The following PNLDC1 variants were observed in gnomAD, a reference collection of about 807,000 sequenced individuals.
The protein encoded by PNLDC1 is poly(A)-specific ribonuclease PNLDC1.
A neutral mutation model predicts 82.0 loss-of-function variants in PNLDC1; 70 were observed. That is an observed-to-expected ratio of 0.85 (90% CI 0.70 to 1.04). The LOEUF is 1.04. Ranked by LOEUF, PNLDC1 falls within the 50% of genes least tolerant of loss-of-function variation. The pLI is 0.00. For missense variants in PNLDC1, 631 were observed against 661.1 expected, an observed-to-expected ratio of 0.95 and a Z score of 0.50; for synonymous variants, 280 against 249.3, an observed-to-expected ratio of 1.12 and a Z score of -1.16.
chr6:159,817,582 A>AGG (rs1781878586), intron 15 of PNLDC1, among the ~76,000 whole-genome samples: 1 of 152,240 alleles, frequency 6.6e-6, no homozygotes. Context: ...CACATAGGCT[A>AGG]GGGAGAGATT....
rs776386921 is a variant in PNLDC1, at chr6:159,814,115, G to A, written c.995+459G>A. 3.8e-4 allele frequency among the ~76,000 whole-genome samples: 57 copies of A among 151,872 alleles called. 1 individual carries two copies. Among genetic ancestry groups the A allele is most frequent in the Non-Finnish European group, 1.8e-4 (12 of 68,000 alleles). ...TCAACAAGTGTTCTCCCAACTTAAC[G>A]ACAAAGCCTCCTGAACTCTCTATGC... On this transcript the variant is annotated intron_variant, in intron 12 of 18. Coordinates refer to ENST00000392167, the MANE Select transcript of PNLDC1 (RefSeq NM_001271862.2).
intron 3 of PNLDC1, among the ~76,000 whole-genome samples, chr6:159,802,225 T>C (rs1781286645): frequency 6.6e-6 from 1 of 152,214 alleles, no homozygotes; most frequent in Admixed American, 6.5e-5. Flanking sequence ...TCCATTCCAG[T>C]AAAATGTTAT....
At position 159,809,040 on chromosome 6, in the gene PNLDC1, A is replaced by G; in HGVS notation, c.665A>G (p.Gln222Arg). 1 of 1,613,444 alleles carries G rather than the reference A, an allele frequency of 6.2e-7. No homozygotes were observed. The highest frequency in any genetic ancestry group is 8.5e-7 in the Non-Finnish European group (1 of 1,179,870). ...GTGGTAGTGAAGAAAGTGAGTAAAC[A>G]ACATCGTTGGTATCTTCAGAACACC... ...EGVVVKKVSK[Q>R]HRWYLQNTSC... The change falls in exon 9 of 19, where the codon CAA becomes CGA. Residue 222 changes from glutamine (Q) to arginine (R), a missense_variant. Physicochemically the swap from Gln to Arg is conservative, Grantham distance 43. Coordinates refer to ENST00000392167, the MANE Select transcript of PNLDC1 (RefSeq NM_001271862.2).
chr6:159,802,427 G>A (rs1423590588), intron 3 of PNLDC1, among the ~76,000 whole-genome samples: 1 of 152,094 alleles, frequency 6.6e-6, no homozygotes, highest in Admixed American at 6.5e-5. Flanking sequence ...TACTATGAAT[G>A]ATGCTGAACG....
At chr6:159,816,218 G>T (rs1398923056) in intron 13 of PNLDC1, among the ~76,000 whole-genome samples, 185 bp downstream of exon 13, 2 of 40,118 alleles carry the variant, frequency 5.0e-5, no homozygotes, top group African/African-American at 9.4e-5. Context: ...CAGCAGGGGA[G>T]GGGGAGGTTT....
At position 159,801,211 on chromosome 6, in the gene PNLDC1, G is replaced by C. The variant is rs531396929; in HGVS notation, c.208+25G>C. ...GGTGAGTTTAATATCAGCTGTTAGAGTTTTTCAAGAAGGTATTTTTATTGT... is the reference window on the plus strand; with the variant it reads ...GGTGAGTTTAATATCAGCTGTTAGACTTTTTCAAGAAGGTATTTTTATTGT... On this transcript the variant is annotated intron_variant, in intron 3 of 18. Coordinates refer to ENST00000392167, the MANE Select transcript of PNLDC1 (RefSeq NM_001271862.2). 26 of 1,598,596 alleles carry C rather than the reference G, an allele frequency of 1.6e-5. No individual in the cohort carries two copies. In the South Asian group the frequency reaches 2.6e-4, roughly 16 times the overall value.
At chr6:159,807,170 G>T (rs1176792121) in intron 7 of PNLDC1, among the ~76,000 whole-genome samples, 1 of 152,132 alleles carries the variant, frequency 6.6e-6, no homozygotes, top group African/African-American at 2.4e-5. Context: ...TGGGATAACA[G>T]GCATGAGCCA....
intron 18 of PNLDC1, 86 bp from the exon 19 acceptor site, chr6:159,820,368 G>A: frequency 1.6e-6 from 2 of 1,270,654 alleles, no homozygotes; most frequent in Admixed American, 1.7e-5. Flanking sequence ...AGTGCACGGG[G>A]CTGGGAAGGA....
chr6:159,810,128 C>A (rs147025819), intron 10 of PNLDC1, 33 bp downstream of exon 10: 1 of 1,582,950 alleles, frequency 6.3e-7, no homozygotes, highest in African/African-American at 1.3e-5. Flanking sequence ...TCTTCCTTCA[C>A]GCTAGTTTGC....
In PNLDC1 at chr6:159,817,123, G is replaced by T; in HGVS notation, c.1129G>T (p.Ala377Ser). ...TTCCTTCCTAGTTCTTTTGAAAGTG[G>T]CACACTTGCTTCTACAGAAGATATA... ...FLCGSVLLKVAHLLLQKIYHI... is the reference protein window; with the variant it reads ...FLCGSVLLKVSHLLLQKIYHI... Residue 377 changes from alanine to serine, a missense_variant, in exon 15 of 19, where the codon GCA becomes TCA. Physicochemically the swap from Ala to Ser is moderately conservative, Grantham distance 99. Coordinates refer to ENST00000392167, the MANE Select transcript of PNLDC1 (RefSeq NM_001271862.2). The T allele has an allele frequency of 6.2e-7, 1 of 1,612,176 alleles. No homozygotes were observed. The highest frequency in any genetic ancestry group is 8.5e-7 in the Non-Finnish European group (1 of 1,178,580).
At chr6:159,800,679 G>C (rs1781210661) in intron 1 of PNLDC1, 93 bp from the exon 2 acceptor site, 1 of 1,613,790 alleles carries the variant, frequency 6.2e-7, no homozygotes, top group Non-Finnish European at 8.5e-7. Context: ...GCAGAGGTGA[G>C]CGCGGGTGCC....
At position 159,804,637 on chromosome 6, in the gene PNLDC1, G is replaced by C; in HGVS notation, c.461G>C (p.Ser154Thr). 6.3e-7 allele frequency: 1 copy of C among 1,596,580 alleles called. No individual in the cohort carries two copies. Among genetic ancestry groups the C allele is most frequent in the Non-Finnish European group, 8.6e-7 (1 of 1,165,424 alleles). Residue 154 changes from serine to threonine, a missense_variant and splice_region_variant, in exon 6 of 19, where the codon AGC (serine) becomes ACC (threonine). By Grantham distance (58) the Ser-to-Thr change is moderately conservative. Transcript: ENST00000392167. ...CTGACTGGGAACTGGAGAGTTCGCA[G>C]GTATGGCCTGTTTCTCCAGGTGCCT... ...DILTGNWRVRSSPDKDQIKVV... is the reference protein window; with the variant it reads ...DILTGNWRVRTSPDKDQIKVV...
intron 12 of PNLDC1, 110 bp downstream of exon 12, chr6:159,813,766 C>A: frequency 1.1e-6 from 1 of 917,728 alleles, no homozygotes; most frequent in Non-Finnish European, 1.8e-6. Context: ...GTGATGCCTG[C>A]TTGGGACTTG....
rs577656226 is a variant in PNLDC1, at chr6:159,800,981, A to T, written c.135-132A>T. ...CTTGCTTTTTTCTGTCCACTAAATG[A>T]TGGTAGTGCTCCCTAGTTGTTGTAA... On this transcript the variant is annotated intron_variant, in intron 2 of 18. Coordinates refer to ENST00000392167, the MANE Select transcript of PNLDC1 (RefSeq NM_001271862.2). 4.6e-4 allele frequency: 655 copies of T among 1,436,622 alleles called. 4 individuals are homozygous for T. In the African/African-American group the frequency reaches 8.4e-3, roughly 18 times the overall value. The allele number at this position is 1,436,622 out of a possible 1,614,324, so 89.0% of individuals were successfully genotyped here. A position where few individuals can be genotyped will look rare whatever the true frequency, so the allele number is the denominator to read the frequency against.
At position 159,818,617 on chromosome 6, in the gene PNLDC1, A is replaced by G; in HGVS notation, c.1220A>G (p.Asn407Ser). 2 of 1,613,836 alleles carry G rather than the reference A, an allele frequency of 1.2e-6. No homozygotes were observed. Among genetic ancestry groups the G allele is most frequent in the Non-Finnish European group, 8.5e-7 (1 of 1,180,024 alleles). ...CTTGACGTGCTGGCTCCTTACGTGAACCAAGTGAACCTCATCCGAGCGGGG... is the reference window on the plus strand; with the variant it reads ...CTTGACGTGCTGGCTCCTTACGTGAGCCAAGTGAACCTCATCCGAGCGGGG... Reference protein sequence around the residue: ...QYLDVLAPYVNQVNLIRAGVP... With the variant: ...QYLDVLAPYVSQVNLIRAGVP... Residue 407 changes from asparagine (N) to serine (S), a missense_variant, in exon 16 of 19, where the codon AAC (asparagine) becomes AGC (serine). By Grantham distance (46) the Asn-to-Ser change is conservative. Coordinates refer to ENST00000392167, the MANE Select transcript of PNLDC1 (RefSeq NM_001271862.2).
intron 3 of PNLDC1, among the ~76,000 whole-genome samples, chr6:159,802,597 G>A (rs1414067857): frequency 6.6e-6 from 1 of 151,640 alleles, no homozygotes; most frequent in South Asian, 2.1e-4. Context: ...TTGGGGGGAA[G>A]GGGGACAGAG....
Position 159,810,108 on chromosome 6 carries a change from C to T in PNLDC1, c.853+13C>T. 6.2e-7 allele frequency: 1 copy of T among 1,608,616 alleles called. No individual in the cohort carries two copies. Among genetic ancestry groups the T allele is most frequent in the Non-Finnish European group, 8.5e-7 (1 of 1,175,006 alleles). ...AGACCCCTCCCAGGTAGGGGCAAAC[C>T]TGTCATTTCTCTTCCTTCACGCTAG... On this transcript the variant is annotated intron_variant, in intron 10 of 18. Coordinates refer to ENST00000392167, the MANE Select transcript of PNLDC1 (RefSeq NM_001271862.2).
chr6:159,818,716 G>T (rs976460232), intron 16 of PNLDC1, 62 bp downstream of exon 16: 2 of 1,495,820 alleles, frequency 1.3e-6, no homozygotes, highest in Non-Finnish European at 1.9e-6. Flanking sequence ...GCTGGGAAGC[G>T]GCCAGTGCTC....
chr6:159,816,656 G>C, intron 14 of PNLDC1, 60 bp downstream of exon 14: 11 of 1,420,760 alleles, frequency 7.7e-6, no homozygotes, highest in Non-Finnish European at 5.9e-6. Context: ...TTCTGAGACA[G>C]GGTCTCACTC....
Sources: allele counts gnomAD v4.1 joint callset (sites outside exome capture counted in the v4.1 genomes callset), GRCh38; gene constraint gnomAD v4.1.1; transcripts MANE v1.5; gene names NCBI Gene and HGNC (gene_info 2026-07-23, HGNC 2026-07-21).